Variants in PAFAH1B1 observed in about 807,000 individuals in gnomAD.
PAFAH1B1 encodes the protein platelet-activating factor acetylhydrolase IB subunit beta.
A neutral mutation model predicts 57.5 loss-of-function variants in PAFAH1B1; 2 were observed. That is an observed-to-expected ratio of 0.03 (90% CI 0.01 to 0.11). The LOEUF (loss-of-function observed/expected upper bound fraction) is 0.11. Among genes scored for constraint, PAFAH1B1 ranks in the 10% least tolerant of loss-of-function variants. The pLI, the probability that PAFAH1B1 is intolerant of heterozygous loss-of-function variation, is 1.00. For synonymous variants in PAFAH1B1, 152 were observed against 169.6 expected (o/e 0.90, Z 0.81); for missense variants, 257 against 512.0 (o/e 0.50, Z 4.81).
At chr17:2,628,819 G>A (rs537828780) in intron 1 of PAFAH1B1, among the ~76,000 whole-genome samples, 6 of 152,166 alleles carry the variant, frequency 3.9e-5, no homozygotes, top group Admixed American at 1.3e-4. Context: ...ATGTGAGGAG[G>A]GTTGTGTTTT....
intron 1 of PAFAH1B1, among the ~76,000 whole-genome samples, chr17:2,622,087 C>G (rs892929650): frequency 1.3e-5 from 2 of 152,120 alleles, no homozygotes; most frequent in African/African-American, 4.8e-5. Flanking sequence ...AGTTACCTCC[C>G]CCTGGGTCTC....
rs147274942 is a variant in PAFAH1B1 at position 2,671,179 on chromosome 17, C to T, written c.568+848C>T. Among the ~76,000 whole-genome samples, 129 of 152,048 alleles carry T rather than the reference C, an allele frequency of 8.5e-4. 2 individuals are homozygous for T. Among genetic ancestry groups the T allele is most frequent in the African/African-American group, 2.9e-3 (121 of 41,508 alleles). ...GAAGTTTATAATTACAGGAATTCCA[C>T]GCATGAACACTGTTTTTTTGTTGTT... On this transcript the variant is annotated intron_variant, in intron 6 of 10. Transcript: ENST00000397195.
At chr17:2,633,086 A>G (rs1451323278) in intron 1 of PAFAH1B1, among the ~76,000 whole-genome samples, 1 of 151,970 alleles carries the variant, frequency 6.6e-6, no homozygotes, top group Non-Finnish European at 1.5e-5. Context: ...TTGTTTCACT[A>G]GGCTTTGGTT....
chr17:2,597,906 A>G (rs2068102254), intron 1 of PAFAH1B1, among the ~76,000 whole-genome samples: 1 of 151,914 alleles, frequency 6.6e-6, no homozygotes, highest in African/African-American at 2.4e-5. Flanking sequence ...ATAATTTGTC[A>G]TCTTTGTGAA....
chr17:2,638,689 G>T (rs2068655403), intron 2 of PAFAH1B1: 1 of 238,734 alleles, frequency 4.2e-6, no homozygotes. Flanking sequence ...TGTATTTTTA[G>T]TAGAGATGGG....
At chr17:2,659,398 A>T (rs1329979630) in intron 2 of PAFAH1B1, 1 of 265,030 alleles carries the variant, frequency 3.8e-6, no homozygotes, top group Non-Finnish European at 7.6e-6. Flanking sequence ...TTAGCTGGGC[A>T]TGGTGGCACA....
intron 1 of PAFAH1B1, among the ~76,000 whole-genome samples, chr17:2,607,411 A>G (rs1248870757): frequency 6.9e-6 from 1 of 145,210 alleles, no homozygotes; most frequent in Non-Finnish European, 1.5e-5. Flanking sequence ...TCCTGACCTC[A>G]TGATCTGTCT....
chr17:2,604,114 T>C (rs971058275), intron 1 of PAFAH1B1, among the ~76,000 whole-genome samples: 11 of 151,996 alleles, frequency 7.2e-5, no homozygotes, highest in Admixed American at 3.3e-4. Flanking sequence ...CTTGGCTCAC[T>C]GCAACCTCCA....
At chr17:2,672,120 T>G (rs370577468) in intron 6 of PAFAH1B1, among the ~76,000 whole-genome samples, 2 of 151,630 alleles carry the variant, frequency 1.3e-5, no homozygotes, top group African/African-American at 2.4e-5. Flanking sequence ...AATAAAATAG[T>G]TGTGGGTGTG....
At chr17:2,675,715 C>A (rs1333412387) in intron 8 of PAFAH1B1, among the ~76,000 whole-genome samples, 1 of 151,746 alleles carries the variant, frequency 6.6e-6, no homozygotes, top group African/African-American at 2.4e-5. Context: ...GTGGTACACT[C>A]CTGTAGTCCC....
In PAFAH1B1 at chr17:2,684,406, AG is replaced by A. The variant is rs1395559089; in HGVS notation, c.*2606del. The A allele has an allele frequency of 6.6e-6, 1 of 152,616 alleles. No homozygotes were observed. The highest frequency in any genetic ancestry group is 2.4e-5 in the African/African-American group (1 of 41,434). The allele number at this position is 152,616 out of a possible 1,614,324, so 9.5% of individuals were successfully genotyped here. On this transcript the variant is annotated 3_prime_UTR_variant, in exon 11 of 11. Coordinates refer to ENST00000397195, the MANE Select transcript of PAFAH1B1 (RefSeq NM_000430.4). ...GGTTACTGGTTTGGATTGTAAGTAG[AG>A]GACTTTTATTAATTGGTTTAGAGGT... is the stretch of plus-strand genomic sequence containing the variant.
intron 1 of PAFAH1B1, among the ~76,000 whole-genome samples, chr17:2,602,589 CCAACTAATTT>C (rs2068157545): frequency 6.6e-6 from 1 of 152,102 alleles, no homozygotes; most frequent in African/African-American, 2.4e-5. Context: ...AATCTCTTAC[CCAACTAATTT>C]CACATCGTCT....
At chr17:2,669,132 A>C (rs559955877) in intron 5 of PAFAH1B1, among the ~76,000 whole-genome samples, 15 of 152,172 alleles carry the variant, frequency 9.9e-5, no homozygotes, top group Non-Finnish European at 1.8e-4. Context: ...AAAAGTTTAT[A>C]CTTTTTGACC....
chr17:2,662,150 T>C (rs1274247869), intron 2 of PAFAH1B1, among the ~76,000 whole-genome samples: 1 of 151,348 alleles, frequency 6.6e-6, no homozygotes, highest in African/African-American at 2.4e-5. Flanking sequence ...ATGAAAAGAA[T>C]GTAGGAAGTC....
intron 1 of PAFAH1B1, among the ~76,000 whole-genome samples, chr17:2,596,018 A>T (rs2068080825): frequency 6.6e-6 from 1 of 152,160 alleles, no homozygotes. Context: ...AGGTTATTTG[A>T]TATGAATGGT....
At chr17:2,680,715 G>T in intron 10 of PAFAH1B1, 1 of 285,020 alleles carries the variant, frequency 3.5e-6, no homozygotes, top group Non-Finnish European at 6.9e-6. Context: ...TATTTGATTT[G>T]AGTAAACATC....
chr17:2,657,706 C>G (rs1168248366), intron 2 of PAFAH1B1, among the ~76,000 whole-genome samples: 1 of 152,172 alleles, frequency 6.6e-6, no homozygotes, highest in South Asian at 2.1e-4. Flanking sequence ...TCCATTCAGT[C>G]TCATTTCTCT....
chr17:2,602,625 T>C (rs2068157928), intron 1 of PAFAH1B1, among the ~76,000 whole-genome samples: 1 of 152,230 alleles, frequency 6.6e-6, no homozygotes, highest in South Asian at 2.1e-4. Flanking sequence ...AATTCAGTCT[T>C]GTCCGGTTAA....
intron 1 of PAFAH1B1, among the ~76,000 whole-genome samples, chr17:2,600,125 A>G (rs1240672490): frequency 2.0e-5 from 3 of 151,774 alleles, no homozygotes; most frequent in Non-Finnish European, 2.9e-5. Context: ...GACCACAGGC[A>G]CATACCACCA....
Sources: gnomAD v4.1 joint callset for allele counts (sites outside exome capture counted in the v4.1 genomes callset) on GRCh38, gnomAD v4.1.1 for gene constraint, MANE v1.5 for transcripts, NCBI Gene and HGNC (gene_info 2026-07-23, HGNC 2026-07-21) for gene names.